TPST2: variants seen among roughly 807,000 people sequenced by gnomAD.
The protein encoded by TPST2 is tyrosylprotein sulfotransferase 2.
TPST2 carries 16 observed loss-of-function variants against 27.8 expected under a neutral mutation model. That is an observed-to-expected ratio of 0.58 (90% CI 0.39 to 0.88). TPST2 has a LOEUF of 0.88. Ranked by LOEUF, TPST2 falls within the 40% of genes least tolerant of loss-of-function variation. The pLI is 0.00. For missense variants in TPST2, 464 were observed against 543.1 expected (o/e 0.85, Z 1.45); for synonymous variants, 229 against 231.7 (o/e 0.99, Z 0.10).
chr22:26,544,774 TG>T, intron 1 of TPST2, 99 bp from the exon 2 acceptor site: 1 of 607,336 alleles, frequency 1.6e-6, no homozygotes, highest in Non-Finnish European at 2.1e-6. Context: ...CCAAGAGCAC[TG>T]GACAGTGACA....
intron 1 of TPST2, among the ~76,000 whole-genome samples, chr22:26,555,808 T>C (rs947740965): frequency 3.9e-5 from 6 of 152,190 alleles, no homozygotes; most frequent in Non-Finnish European, 7.4e-5. Context: ...CGACTCCCAC[T>C]GCAGGCCTCC....
intron 1 of TPST2, among the ~76,000 whole-genome samples, chr22:26,583,532 C>T (rs1034915396): frequency 5.4e-5 from 8 of 147,180 alleles, no homozygotes; most frequent in African/African-American, 2.0e-4. Context: ...AAACACAGAG[C>T]TGGAAGGGCT....
intron 1 of TPST2, among the ~76,000 whole-genome samples, chr22:26,580,466 C>T (rs1216407724): frequency 6.6e-6 from 1 of 152,176 alleles, no homozygotes; most frequent in African/African-American, 2.4e-5. Context: ...CAGCCCCCTC[C>T]AGCCCTCTCA....
At chr22:26,552,471 C>G (rs757968315) in intron 1 of TPST2, among the ~76,000 whole-genome samples, 2 of 152,112 alleles carry the variant, frequency 1.3e-5, no homozygotes, top group Admixed American at 1.3e-4. Flanking sequence ...TGAGCCTGAA[C>G]TGAAACTCAG....
intron 6 of TPST2, 108 bp downstream of exon 6, chr22:26,528,106 T>G: frequency 7.6e-7 from 1 of 1,321,526 alleles, no homozygotes; most frequent in Non-Finnish European, 1.1e-6. Context: ...CTAGTGGACA[T>G]GTCTACCCCA....
At chr22:26,537,908 G>A (rs772486740) in intron 3 of TPST2, among the ~76,000 whole-genome samples, 18 of 152,098 alleles carry the variant, frequency 1.2e-4, no homozygotes, top group Non-Finnish European at 2.2e-4. Flanking sequence ...TGCCAGCTAT[G>A]TAGCCTTCCT....
chr22:26,572,565 T>A (rs903652065), intron 1 of TPST2, among the ~76,000 whole-genome samples: 4 of 152,266 alleles, frequency 2.6e-5, no homozygotes, highest in Admixed American at 2.6e-4. Context: ...TCCCACCTTA[T>A]CTTGGGCTGC....
At chr22:26,532,629 G>A in intron 5 of TPST2, 66 bp downstream of exon 5, 2 of 1,515,198 alleles carry the variant, frequency 1.3e-6, no homozygotes, top group Admixed American at 1.7e-5. Context: ...ACATCTAAGG[G>A]CATACAGCCA....
intron 1 of TPST2, among the ~76,000 whole-genome samples, chr22:26,574,243 C>G (rs2147234219): frequency 6.6e-6 from 1 of 152,298 alleles, no homozygotes; most frequent in African/African-American, 2.4e-5. Context: ...ATTTTCGTTG[C>G]TATGAATTAC....
At chr22:26,544,971 C>T (rs1926042708) in intron 1 of TPST2, among the ~76,000 whole-genome samples, 2 of 152,192 alleles carry the variant, frequency 1.3e-5, no homozygotes, top group Non-Finnish European at 2.9e-5. Flanking sequence ...AACCAGGCCT[C>T]TCCCCTCCTC....
At chr22:26,587,169 A>T (rs1461064750) in intron 1 of TPST2, among the ~76,000 whole-genome samples, 2 of 152,036 alleles carry the variant, frequency 1.3e-5, no homozygotes, top group South Asian at 4.1e-4. Context: ...GGTCTAGGAG[A>T]GCCATGGAGG....
intron 1 of TPST2, among the ~76,000 whole-genome samples, chr22:26,566,966 C>T (rs576917774): frequency 2.6e-5 from 4 of 152,238 alleles, no homozygotes; most frequent in East Asian, 1.9e-4. Flanking sequence ...GATGTTTAGC[C>T]GCATCCCCGG....
intron 2 of TPST2, 38 bp downstream of exon 2, chr22:26,544,566 C>T (rs1441154832): frequency 2.0e-6 from 2 of 981,980 alleles, no homozygotes; most frequent in Non-Finnish European, 2.4e-6. Context: ...TCAGGAGGGG[C>T]CAGGACTCCA....
At chr22:26,527,287 T>C (rs2060417398) in intron 6 of TPST2, among the ~76,000 whole-genome samples, 3 of 152,206 alleles carry the variant, frequency 2.0e-5, no homozygotes, top group Admixed American at 2.0e-4. Flanking sequence ...TTTAACCTGA[T>C]CATAGAGGCT....
chr22:26,560,210 C>T (rs1173713548), intron 1 of TPST2, among the ~76,000 whole-genome samples: 1 of 152,134 alleles, frequency 6.6e-6, no homozygotes, highest in African/African-American at 2.4e-5. Context: ...GCCTTCTCTG[C>T]TGGCATCATG....
At chr22:26,564,524 G>A (rs1457732248) in intron 1 of TPST2, among the ~76,000 whole-genome samples, 2 of 152,196 alleles carry the variant, frequency 1.3e-5, no homozygotes, top group Non-Finnish European at 2.9e-5. Flanking sequence ...AGCCAGATGA[G>A]TCCCCAACTT....
chr22:26,551,942 A>G (rs1044365137), intron 1 of TPST2, among the ~76,000 whole-genome samples: 3 of 135,342 alleles, frequency 2.2e-5, no homozygotes, highest in African/African-American at 8.5e-5. Context: ...AGGCTAGAAT[A>G]CAGCGGTGCA....
intron 1 of TPST2, among the ~76,000 whole-genome samples, chr22:26,588,784 G>C (rs1179606914): frequency 6.6e-6 from 1 of 152,090 alleles, no homozygotes; most frequent in Non-Finnish European, 1.5e-5. Flanking sequence ...AATCCGGTGT[G>C]TCACAGATCT....
chr22:26,542,405 C>T (rs1171170603), intron 2 of TPST2, among the ~76,000 whole-genome samples: 3 of 151,562 alleles, frequency 2.0e-5, no homozygotes, highest in South Asian at 2.1e-4. Context: ...AACAGGGTCT[C>T]GCTTCAAGTG....
Sources: allele counts gnomAD v4.1 joint callset (sites outside exome capture counted in the v4.1 genomes callset), GRCh38; gene constraint gnomAD v4.1.1; transcripts MANE v1.5; gene names NCBI Gene and HGNC (gene_info 2026-07-23, HGNC 2026-07-21).